Variants in NRG3 observed in about 807,000 individuals in gnomAD.
NRG3 encodes pro-neuregulin-3, membrane-bound isoform.
A neutral mutation model predicts 66.9 loss-of-function variants in NRG3; 31 were observed. The observed-to-expected ratio is 0.46, with a 90% CI of 0.35 to 0.63. The LOEUF (loss-of-function observed/expected upper bound fraction) is 0.63. NRG3 is among the 20% of genes least tolerant of loss of function. NRG3 has a pLI of 0.00. For synonymous variants in NRG3, 393 were observed against 359.4 expected, an observed-to-expected ratio of 1.09 and a Z score of -1.06; for missense variants, 910 against 878.9, an observed-to-expected ratio of 1.04 and a Z score of -0.45.
chr10:81,906,452 T>G, intron 1 of NRG3, among the ~76,000 whole-genome samples: 1 of 152,146 alleles, frequency 6.6e-6, no homozygotes, highest in South Asian at 2.1e-4. Flanking sequence ...ATGTAGCATT[T>G]GAGAAATTTC....
intron 1 of NRG3, among the ~76,000 whole-genome samples, chr10:82,354,132 T>C (rs1300145018): frequency 4.7e-5 from 7 of 147,686 alleles, no homozygotes; most frequent in African/African-American, 1.8e-4. Context: ...CCTCCTGGGC[T>C]CAGGTGATCC....
chr10:82,603,253 C>A (rs1414260463), intron 2 of NRG3, among the ~76,000 whole-genome samples: 2 of 152,046 alleles, frequency 1.3e-5, no homozygotes, highest in Non-Finnish European at 2.9e-5. Flanking sequence ...GCTGCTAGAG[C>A]CCCACTCTCG....
intron 4 of NRG3, among the ~76,000 whole-genome samples, chr10:82,949,440 G>A (rs916390510): frequency 2.0e-5 from 3 of 151,780 alleles, no homozygotes; most frequent in Non-Finnish European, 2.9e-5. Flanking sequence ...AGAAGCCCCC[G>A]AGATGATAGG....
At chr10:82,150,526 C>CAA (rs2070637635) in intron 1 of NRG3, among the ~76,000 whole-genome samples, 1 of 17,150 alleles carries the variant, frequency 5.8e-5, no homozygotes, top group Admixed American at 5.0e-4. Context: ...AAAAAGAGCA[C>CAA]ACACAAAAAA....
intron 4 of NRG3, among the ~76,000 whole-genome samples, chr10:82,913,399 C>A (rs1327698455): frequency 6.6e-6 from 1 of 152,124 alleles, no homozygotes; most frequent in East Asian, 1.9e-4. Flanking sequence ...GTACCTCTCT[C>A]CCTTTCCCTA....
chr10:82,270,908 G>T (rs557126862), intron 1 of NRG3, among the ~76,000 whole-genome samples: 1 of 152,224 alleles, frequency 6.6e-6, no homozygotes, highest in Admixed American at 6.5e-5. Flanking sequence ...GGCATAACCT[G>T]AATTGTCAAT....
At chr10:82,505,410 A>T (rs1844576001) in intron 2 of NRG3, among the ~76,000 whole-genome samples, 2 of 152,244 alleles carry the variant, frequency 1.3e-5, no homozygotes, top group Non-Finnish European at 2.9e-5. Flanking sequence ...GAAGTATTTC[A>T]GTGTTTTAAC....
intron 3 of NRG3, among the ~76,000 whole-genome samples, chr10:82,852,252 T>C (rs747653542): frequency 2.6e-5 from 4 of 151,698 alleles, no homozygotes; most frequent in Non-Finnish European, 5.9e-5. Context: ...TGAGAACACA[T>C]GGACACAGGA....
chr10:82,779,498 T>G (rs940043825), intron 3 of NRG3, among the ~76,000 whole-genome samples: 4 of 152,044 alleles, frequency 2.6e-5, no homozygotes, highest in Non-Finnish European at 5.9e-5. Flanking sequence ...TTGGTAACTG[T>G]TTTGGTGGAG....
intron 3 of NRG3, among the ~76,000 whole-genome samples, chr10:82,799,039 G>A (rs2060918053): frequency 6.6e-6 from 1 of 151,996 alleles, no homozygotes; most frequent in Non-Finnish European, 1.5e-5. Flanking sequence ...TATAGAAGAG[G>A]ATTATTTAGA....
intron 8 of NRG3, 83 bp downstream of exon 8, chr10:82,979,203 T>G: frequency 3.6e-6 from 5 of 1,389,422 alleles, no homozygotes; most frequent in Non-Finnish European, 5.0e-6. Flanking sequence ...TCCTTGGGGT[T>G]TTATTCATTG....
In NRG3 at chr10:82,979,037, T is replaced by C; in HGVS notation, c.1500T>C (p.Ser500=). The part of the protein sequence containing the change: ...AFRRTPPSPR[S]RLGGIVGPAY... ...GAAGGACACCCCCGTCACCCCGAAG[T>C]AGGCTAGGTGGAATTGTGGGACCAG... The change falls in exon 8 of 9, where the codon AGT becomes AGC. Residue 500 remains serine, a synonymous_variant. Coordinates refer to ENST00000372141, the MANE Select transcript of NRG3 (RefSeq NM_001010848.4). 3 of 1,614,082 alleles carry C rather than the reference T, an allele frequency of 1.9e-6. No individual in the cohort carries two copies. Among genetic ancestry groups the C allele is most frequent in the South Asian group, 1.1e-5 (1 of 91,084 alleles).
At chr10:82,239,275 C>G (rs112994531) in intron 1 of NRG3, among the ~76,000 whole-genome samples, 5,333 of 151,938 alleles carry the variant, frequency 0.035, 133 homozygotes, top group Middle Eastern at 0.078. Flanking sequence ...GGAGTCTTGC[C>G]CTGTTACCCA....
rs540832295 is a variant in NRG3, at chr10:82,378,408, G to T, written c.953+19540G>T. Among the ~76,000 whole-genome samples the T allele has an allele frequency of 2.0e-5, 3 of 152,318 alleles. No individual in the cohort carries two copies. The East Asian group carries it at 5.8e-4, about 29-fold the overall frequency. ...AAGACTGATTCACTTTCACCATGTG[G>T]CAATGCAGAAGCAGCTGGGTTGTTC... is the stretch of plus-strand genomic sequence containing the variant. On this transcript the variant is annotated intron_variant, in intron 2 of 8. Transcript: ENST00000372141.
At chr10:82,277,295 A>G (rs2078901646) in intron 1 of NRG3, among the ~76,000 whole-genome samples, 1 of 152,076 alleles carries the variant, frequency 6.6e-6, no homozygotes, top group Non-Finnish European at 1.5e-5. Context: ...TTTTCACTGG[A>G]ACAGAGCTTG....
intron 2 of NRG3, among the ~76,000 whole-genome samples, chr10:82,396,104 T>C (rs2086696374): frequency 6.6e-6 from 1 of 152,212 alleles, no homozygotes; most frequent in African/African-American, 2.4e-5. Flanking sequence ...CAAATTGCCA[T>C]ACTCCTTTCA....
intron 2 of NRG3, among the ~76,000 whole-genome samples, chr10:82,596,503 T>C (rs981408041): frequency 6.6e-6 from 1 of 152,128 alleles, no homozygotes; most frequent in Non-Finnish European, 1.5e-5. Flanking sequence ...CTGGTTGGGC[T>C]CATTTTGGTC....
chr10:82,860,645 C>T (rs571009677), intron 3 of NRG3, among the ~76,000 whole-genome samples: 1 of 152,240 alleles, frequency 6.6e-6, no homozygotes, highest in Admixed American at 6.5e-5. Flanking sequence ...AAATGTTACC[C>T]ACTACTGTAT....
chr10:82,406,245 A>G (rs1407935177), intron 2 of NRG3, among the ~76,000 whole-genome samples: 3 of 152,212 alleles, frequency 2.0e-5, no homozygotes. Context: ...CTGAGGACAC[A>G]TCTTTTCCAT....
Sources: gnomAD v4.1 joint callset for allele counts (sites outside exome capture counted in the v4.1 genomes callset) on GRCh38, gnomAD v4.1.1 for gene constraint, MANE v1.5 for transcripts, NCBI Gene and HGNC (gene_info 2026-07-23, HGNC 2026-07-21) for gene names.